The following MFSD6 variants were observed in gnomAD, a reference collection of about 807,000 sequenced individuals.
The protein encoded by MFSD6 is major facilitator superfamily domain containing 6.
Under a neutral mutation model 56.3 loss-of-function variants are expected in MFSD6, and 26 were observed. That is an observed-to-expected ratio of 0.46 (90% CI 0.34 to 0.64). The LOEUF is 0.64. MFSD6 is among the 30% of genes least tolerant of loss of function. The pLI is 0.01. For missense variants in MFSD6, 750 were observed against 986.2 expected, an observed-to-expected ratio of 0.76 and a Z score of 3.21; for synonymous variants, 331 against 366.9, an observed-to-expected ratio of 0.90 and a Z score of 1.12.
Position 190,499,783 on chromosome 2 carries a change from C to T in MFSD6, c.2173-232C>T, listed in dbSNP as rs1371299929. 5 of 1,488,206 alleles carry T rather than the reference C, an allele frequency of 3.4e-6. No homozygotes were observed. The highest frequency in any genetic ancestry group is 4.5e-6 in the Non-Finnish European group (5 of 1,108,106). The allele number at this position is 1,488,206 out of a possible 1,614,324, so 92.2% of individuals were successfully genotyped here. On this transcript the variant is annotated intron_variant, in intron 7 of 7. Transcript: ENST00000392328. The surrounding 1 kb of genome is among the most constrained non-coding windows in gnomAD (Gnocchi z 6.0). ...TTTGGTAGTAATGTTCCTTTTTCCA[C>T]AAGACACGTCTGCTTATAGTGTTTG... is the stretch of plus-strand genomic sequence containing the variant.
In MFSD6 at chr2:190,451,835, G is replaced by A. The variant is rs2125089526; in HGVS notation, c.1532+14274G>A. Reference sequence around the variant, plus strand: ...GAATTGGAATGTTTTTCTAAGAGAAGCTGAGTTTTAGCAGGAGGTGATATA... The same window carrying A: ...GAATTGGAATGTTTTTCTAAGAGAAACTGAGTTTTAGCAGGAGGTGATATA... On this transcript the variant is annotated intron_variant, in intron 3 of 7. Coordinates refer to ENST00000392328, the MANE Select transcript of MFSD6 (RefSeq NM_017694.4). The surrounding 1 kb of genome is among the most constrained non-coding windows in gnomAD (Gnocchi z 5.0). Among the ~76,000 whole-genome samples, 1 of 152,362 alleles carries A rather than the reference G, an allele frequency of 6.6e-6. No homozygotes were observed. Among genetic ancestry groups the A allele is most frequent in the South Asian group, 2.1e-4 (1 of 4,832 alleles).
chr2:190,460,032 T>C (rs1003646451), intron 3 of MFSD6, among the ~76,000 whole-genome samples: 3 of 152,224 alleles, frequency 2.0e-5, no homozygotes, highest in East Asian at 1.9e-4. Flanking sequence ...TCAGCTATGC[T>C]GTGGGACTAC....
chr2:190,476,046 T>G (rs552757912), intron 4 of MFSD6, among the ~76,000 whole-genome samples: 2 of 152,306 alleles, frequency 1.3e-5, no homozygotes, highest in South Asian at 4.1e-4. Flanking sequence ...CCTTACACCT[T>G]ATACAGAAAT....
Position 190,471,560 on chromosome 2 carries a change from C to T in MFSD6, c.1630+1705C>T, listed in dbSNP as rs1405627657. Among the ~76,000 whole-genome samples the T allele has an allele frequency of 6.6e-6, 1 of 152,222 alleles. No homozygotes were observed. The highest frequency in any genetic ancestry group is 1.5e-5 in the Non-Finnish European group (1 of 68,040). On this transcript the variant is annotated intron_variant, in intron 4 of 7. Transcript: ENST00000392328. The surrounding 1 kb of genome is among the most constrained non-coding windows in gnomAD (Gnocchi z 4.7). ...GCTGGGGGAGGGGCACCCGCCATTG[C>T]TGAGGCTTGAGTAGGTAAACAAAGC...
chr2:190,419,936 A>G (rs954834699), intron 2 of MFSD6, among the ~76,000 whole-genome samples: 1 of 152,220 alleles, frequency 6.6e-6, no homozygotes, highest in Non-Finnish European at 1.5e-5. Flanking sequence ...CTAAAAAGTA[A>G]ACAAAGCCTT....
rs953119456 is a variant in MFSD6 at position 190,498,176 on chromosome 2, C to T, written c.2172+457C>T. Among the ~76,000 whole-genome samples, 5 of 152,162 alleles carry T rather than the reference C, an allele frequency of 3.3e-5. No individual in the cohort carries two copies. Among genetic ancestry groups the T allele is most frequent in the African/African-American group, 9.7e-5 (4 of 41,424 alleles). On this transcript the variant is annotated intron_variant, in intron 7 of 7. Transcript: ENST00000392328. This position sits in a 1 kb window ranked among gnomAD's most constrained non-coding sequence, Gnocchi z 5.9. ...GGAATTATGGTTATGCAGGTGGCCTCACCTGAAAAATAAGTCTAAAAGTGT... is the reference window on the plus strand; with the variant it reads ...GGAATTATGGTTATGCAGGTGGCCTTACCTGAAAAATAAGTCTAAAAGTGT...
intron 3 of MFSD6, among the ~76,000 whole-genome samples, chr2:190,448,842 C>T (rs953560408): frequency 2.0e-5 from 3 of 152,156 alleles, no homozygotes; most frequent in Admixed American, 1.3e-4. Context: ...TAGACAGTCT[C>T]TACCTTTTTT....
intron 2 of MFSD6, among the ~76,000 whole-genome samples, chr2:190,427,928 C>T (rs1378976735): frequency 6.6e-6 from 1 of 152,122 alleles, no homozygotes; most frequent in South Asian, 2.1e-4. Flanking sequence ...GATGGGGTTT[C>T]ACCACGTTGA....
rs1427642974 is a variant in MFSD6 at position 190,462,113 on chromosome 2, C to G, written c.1533-7645C>G. Among the ~76,000 whole-genome samples the G allele has an allele frequency of 6.6e-6, 1 of 152,052 alleles. No individual in the cohort carries two copies. The highest frequency in any genetic ancestry group is 1.5e-5 in the Non-Finnish European group (1 of 68,014). Reference sequence around the variant, plus strand: ...CAGGATAATCATTGTTCGTGATTTGCTGTCTGTCTCCTTCTTGGTTTGTTT... The same window carrying G: ...CAGGATAATCATTGTTCGTGATTTGGTGTCTGTCTCCTTCTTGGTTTGTTT... On this transcript the variant is annotated intron_variant, in intron 3 of 7. Coordinates refer to ENST00000392328, the MANE Select transcript of MFSD6 (RefSeq NM_017694.4). The surrounding 1 kb of genome is among the most constrained non-coding windows in gnomAD (Gnocchi z 5.7).
In MFSD6 at chr2:190,492,607, G is replaced by A. The variant is rs1331860851; in HGVS notation, c.1891+2741G>A. The stretch of plus-strand genomic sequence containing the variant: ...TAAAATTGAACTGAACAATAATAGT[G>A]ACACAACCTATCAAAACCTCTGGGA... On this transcript the variant is annotated intron_variant, in intron 6 of 7. Coordinates refer to ENST00000392328, the MANE Select transcript of MFSD6 (RefSeq NM_017694.4). The surrounding 1 kb of genome is among the most constrained non-coding windows in gnomAD (Gnocchi z 5.2). Among the ~76,000 whole-genome samples the A allele has an allele frequency of 6.6e-6, 1 of 152,120 alleles. No individual in the cohort carries two copies. Among genetic ancestry groups the A allele is most frequent in the African/African-American group, 2.4e-5 (1 of 41,416 alleles).
rs1686278647 is a variant in MFSD6, at chr2:190,439,065, A to C, written c.1532+1504A>C. On this transcript the variant is annotated intron_variant, in intron 3 of 7. Coordinates refer to ENST00000392328, the MANE Select transcript of MFSD6 (RefSeq NM_017694.4). The surrounding 1 kb of genome is among the most constrained non-coding windows in gnomAD (Gnocchi z 5.8). ...GACCATTCTGAAAGAGAGCCCACAT[A>C]ATATTAAGGACTCGGAATGCCCTTT... Among the ~76,000 whole-genome samples, 1 of 152,060 alleles carries C rather than the reference A, an allele frequency of 6.6e-6. No homozygotes were observed. The highest frequency in any genetic ancestry group is 2.1e-4 in the South Asian group (1 of 4,830).
chr2:190,431,024 ACGGGGTCGCGGCCGGG>A lies in MFSD6; in HGVS notation c.-53-4951_-53-4936del. Among the ~76,000 whole-genome samples, 1 of 111,788 alleles carries A rather than the reference ACGGGGTCGCGGCCGGG, an allele frequency of 8.9e-6. No homozygotes were observed. The highest frequency in any genetic ancestry group is 2.1e-5 in the Non-Finnish European group (1 of 46,748). 73.3% of individuals were successfully genotyped at this position (111,788 alleles called of 152,430 possible). ...GGCAGAGACGCTCCTCACCTCCCAG[ACGGGGTCGCGGCCGGG>A]CAGAGGCGCTCCTCACCTCCCAGAC... On this transcript the variant is annotated intron_variant, in intron 2 of 7. Coordinates refer to ENST00000392328, the MANE Select transcript of MFSD6 (RefSeq NM_017694.4). This position sits in a 1 kb window ranked among gnomAD's most constrained non-coding sequence, Gnocchi z 4.4.
In MFSD6 at chr2:190,424,973, TGAG is replaced by T. The variant is rs367859543; in HGVS notation, c.-54+9564_-54+9566del. Among the ~76,000 whole-genome samples, 121 of 152,356 alleles carry T rather than the reference TGAG, an allele frequency of 7.9e-4. No individual in the cohort carries two copies. Among genetic ancestry groups the T allele is most frequent in the African/African-American group, 2.7e-3 (114 of 41,592 alleles). The stretch of plus-strand genomic sequence containing the variant: ...GTTGTGTTAAACCTGTATATCAATT[TGAG>T]GAGAATTGAAATTCATAAACATGGA... On this transcript the variant is annotated intron_variant, in intron 2 of 7. Transcript: ENST00000392328. The surrounding 1 kb of genome is among the most constrained non-coding windows in gnomAD (Gnocchi z 5.9).
chr2:190,417,922 T>G lies in MFSD6; in HGVS notation c.-54+2509T>G, dbSNP rs1211229915. On this transcript the variant is annotated intron_variant, in intron 2 of 7. Coordinates refer to ENST00000392328, the MANE Select transcript of MFSD6 (RefSeq NM_017694.4). The surrounding 1 kb of genome is among the most constrained non-coding windows in gnomAD (Gnocchi z 5.7). Reference sequence around the variant, plus strand: ...AATAAATTATATAGGGCTATGTGGCTTTTCTTCCATTATTATTCTGACTTT... The same window carrying G: ...AATAAATTATATAGGGCTATGTGGCGTTTCTTCCATTATTATTCTGACTTT... 2.6e-5 allele frequency among the ~76,000 whole-genome samples: 4 copies of G among 152,030 alleles called. No individual in the cohort carries two copies. Among genetic ancestry groups the G allele is most frequent in the Non-Finnish European group, 4.4e-5 (3 of 68,016 alleles).
At position 190,459,558 on chromosome 2, in the gene MFSD6, T is replaced by C. The variant is rs1687214423; in HGVS notation, c.1533-10200T>C. Among the ~76,000 whole-genome samples, 1 of 152,144 alleles carries C rather than the reference T, an allele frequency of 6.6e-6. No homozygotes were observed. The highest frequency in any genetic ancestry group is 2.4e-5 in the African/African-American group (1 of 41,418). On this transcript the variant is annotated intron_variant, in intron 3 of 7. Coordinates refer to ENST00000392328, the MANE Select transcript of MFSD6 (RefSeq NM_017694.4). The surrounding 1 kb of genome is among the most constrained non-coding windows in gnomAD (Gnocchi z 5.3). ...ACAGCATATTGTGTCTTCTAAGTGGTTGGGTTCCATTAATCAAGGTTCTCT... is the reference window on the plus strand; with the variant it reads ...ACAGCATATTGTGTCTTCTAAGTGGCTGGGTTCCATTAATCAAGGTTCTCT...
At chr2:190,464,504 A>G (rs1375563633) in intron 3 of MFSD6, among the ~76,000 whole-genome samples, 2 of 152,106 alleles carry the variant, frequency 1.3e-5, no homozygotes, top group Non-Finnish European at 2.9e-5. Flanking sequence ...TCTTTCTTCA[A>G]AAATCCTTAG....
rs1012736374 is a variant in MFSD6 at position 190,499,000 on chromosome 2, T to C, written c.2173-1015T>C. Among the ~76,000 whole-genome samples, 1 of 151,530 alleles carries C rather than the reference T, an allele frequency of 6.6e-6. No homozygotes were observed. The highest frequency in any genetic ancestry group is 1.5e-5 in the Non-Finnish European group (1 of 67,882). On this transcript the variant is annotated intron_variant, in intron 7 of 7. Coordinates refer to ENST00000392328, the MANE Select transcript of MFSD6 (RefSeq NM_017694.4). This position sits in a 1 kb window ranked among gnomAD's most constrained non-coding sequence, Gnocchi z 5.9. ...CCGTCTCTACTAAAAATATAAAAAT[T>C]AGCTGGGCATGGTGGCGGGTGCCTG...
rs565922426 is a variant in MFSD6, at chr2:190,474,132, G to A, written c.1630+4277G>A. The stretch of plus-strand genomic sequence containing the variant: ...AAAGCAGGAAAGATCCAAAATTGAC[G>A]CCCTAACATCACAATTAAAAGAACT... On this transcript the variant is annotated intron_variant, in intron 4 of 7. Transcript: ENST00000392328. 8.4e-4 allele frequency among the ~76,000 whole-genome samples: 128 copies of A among 151,820 alleles called. 2 individuals are homozygous for A. The East Asian group carries it at 0.015, about 18-fold the overall frequency.
Position 190,417,174 on chromosome 2 carries a change from G to A in MFSD6, c.-54+1761G>A, listed in dbSNP as rs183740812. Among the ~76,000 whole-genome samples, 4 of 152,268 alleles carry A rather than the reference G, an allele frequency of 2.6e-5. No individual in the cohort carries two copies. In the East Asian group the frequency reaches 7.7e-4, roughly 29 times the overall value. ...TTTCAAGTGTATTCTATTTCCAGAT[G>A]TTATGAAAGGTCCCATTAGATATAG... On this transcript the variant is annotated intron_variant, in intron 2 of 7. Coordinates refer to ENST00000392328, the MANE Select transcript of MFSD6 (RefSeq NM_017694.4). This position sits in a 1 kb window ranked among gnomAD's most constrained non-coding sequence, Gnocchi z 5.7.
Sources: gnomAD v4.1 joint callset for allele counts (sites outside exome capture counted in the v4.1 genomes callset) on GRCh38, gnomAD v4.1.1 for gene constraint, Gnocchi (gnomAD v3.1) non-coding constraint, MANE v1.5 for transcripts, NCBI Gene and HGNC (gene_info 2026-07-23, HGNC 2026-07-21) for gene names.